The following AGBL1 variants were observed in gnomAD, a reference collection of about 807,000 sequenced individuals.
AGBL1 encodes the protein cytosolic carboxypeptidase 4.
Under a neutral mutation model 118.9 loss-of-function variants are expected in AGBL1, and 130 were observed. The observed-to-expected ratio is 1.09, with a 90% CI of 0.95 to 1.26. AGBL1 has a LOEUF of 1.26. Ranked by LOEUF, AGBL1 falls within the 50% of genes most tolerant of loss-of-function variation. AGBL1 has a pLI of 0.00. For missense variants in AGBL1, 1,584 were observed against 1,298.1 expected (o/e 1.22, Z -3.38); for synonymous variants, 555 against 478.9 (o/e 1.16, Z -2.08).
intron 22 of AGBL1, among the ~76,000 whole-genome samples, chr15:86,809,972 G>T (rs1268361316): frequency 1.3e-5 from 2 of 151,946 alleles, no homozygotes; most frequent in African/African-American, 4.8e-5. Context: ...CAAAATATTT[G>T]GAATGGAAAC....
At chr15:87,000,816 G>T (rs1257561238) in intron 24 of AGBL1, among the ~76,000 whole-genome samples, 1 of 145,744 alleles carries the variant, frequency 6.9e-6, no homozygotes, top group Non-Finnish European at 1.5e-5. Context: ...AATTACCTTG[G>T]GCAGTATGGC....
At chr15:86,489,520 G>A (rs889347010) in intron 18 of AGBL1, among the ~76,000 whole-genome samples, 1 of 152,126 alleles carries the variant, frequency 6.6e-6, no homozygotes, top group Non-Finnish European at 1.5e-5. Flanking sequence ...ACCAGAAGGA[G>A]CAATGGCATA....
In AGBL1 at chr15:86,661,434, T is replaced by A. The variant is rs547435162; in HGVS notation, c.2995-12839T>A. 2.0e-5 allele frequency among the ~76,000 whole-genome samples: 3 copies of A among 151,986 alleles called. No individual in the cohort carries two copies. The South Asian group carries it at 6.2e-4, about 32-fold the overall frequency. ...ATAGTAAAAGCTAATTCAATGGCCA[T>A]TAAATGAATGAATGAACAATGGGCT... On this transcript the variant is annotated intron_variant, in intron 21 of 22. Coordinates refer to ENST00000614907, the MANE Select transcript of AGBL1 (RefSeq NM_001386094.1).
intron 17 of AGBL1, among the ~76,000 whole-genome samples, chr15:86,393,267 A>G (rs1173588245): frequency 6.6e-6 from 1 of 152,216 alleles, no homozygotes; most frequent in Non-Finnish European, 1.5e-5. Context: ...TAGAGCTTGC[A>G]TTTGGCTTAT....
rs1205656309 is a variant in AGBL1 at position 86,220,036 on chromosome 15, C to G, written c.489-4878C>G. On this transcript the variant is annotated intron_variant, in intron 5 of 22. Transcript: ENST00000614907. ...GCACAATCTTGGTTCACTGCAACCT[C>G]TACTGCCTGGGTTCAAGCAATTCTC... Among the ~76,000 whole-genome samples, 8 of 145,064 alleles carry G rather than the reference C, an allele frequency of 5.5e-5. No individual in the cohort carries two copies. The East Asian group carries it at 1.8e-3, about 32-fold the overall frequency.
At chr15:86,213,112 A>G (rs544332628) in intron 5 of AGBL1, among the ~76,000 whole-genome samples, 1 of 152,314 alleles carries the variant, frequency 6.6e-6, no homozygotes, top group Non-Finnish European at 1.5e-5. Context: ...AACTGCCCTT[A>G]CTGTCTGGAA....
intron 17 of AGBL1, among the ~76,000 whole-genome samples, chr15:86,375,892 G>A (rs1160256120): frequency 6.6e-6 from 1 of 152,218 alleles, no homozygotes; most frequent in Non-Finnish European, 1.5e-5. Flanking sequence ...CCAATGGCTA[G>A]GCAGGGCTCA....
chr15:86,222,479 T>A (rs900639961), intron 5 of AGBL1, among the ~76,000 whole-genome samples: 1 of 152,160 alleles, frequency 6.6e-6, no homozygotes, highest in Admixed American at 6.5e-5. Flanking sequence ...CGTTAATTTT[T>A]TGCTCACAAC....
chr15:86,699,938 AATT>A (rs1235968023), intron 22 of AGBL1, among the ~76,000 whole-genome samples: 1 of 152,082 alleles, frequency 6.6e-6, no homozygotes, highest in East Asian at 1.9e-4. Flanking sequence ...CGTCTGAAAC[AATT>A]ATTATTATGG....
intron 5 of AGBL1, among the ~76,000 whole-genome samples, chr15:86,211,519 T>C (rs1355696879): frequency 6.6e-6 from 1 of 152,204 alleles, no homozygotes; most frequent in African/African-American, 2.4e-5. Context: ...CCAGCCACTT[T>C]GTTTACCCAC....
At chr15:86,945,111 T>G (rs1432112519) in intron 23 of AGBL1, among the ~76,000 whole-genome samples, 2 of 151,868 alleles carry the variant, frequency 1.3e-5, no homozygotes, top group Non-Finnish European at 2.9e-5. Flanking sequence ...CTGGGTGTGC[T>G]GGTGCACACT....
At chr15:86,872,295 C>T (rs532115054) in intron 22 of AGBL1, among the ~76,000 whole-genome samples, 3 of 152,160 alleles carry the variant, frequency 2.0e-5, no homozygotes, top group African/African-American at 4.8e-5. Context: ...TTCATTGTTT[C>T]AGGTGGAGAA....
chr15:86,580,638 C>G (rs947015699), intron 21 of AGBL1, among the ~76,000 whole-genome samples: 2 of 152,052 alleles, frequency 1.3e-5, no homozygotes, highest in Admixed American at 1.3e-4. Context: ...TACATGTATA[C>G]AATGTATAAT....
rs114700683 is a variant in AGBL1, at chr15:86,742,177, C to G, written c.3158+67741C>G. ...ATTGGGCATACATAAAGAAACGTGA[C>G]CCAGACTGCAAAGGACCAATTGTGT... On this transcript the variant is annotated intron_variant, in intron 22 of 22. Coordinates refer to ENST00000614907, the MANE Select transcript of AGBL1 (RefSeq NM_001386094.1). 5.1e-3 allele frequency among the ~76,000 whole-genome samples: 772 copies of G among 152,126 alleles called. 8 individuals are homozygous for G. The highest frequency in any genetic ancestry group is 0.018 in the African/African-American group (728 of 41,492).
chr15:86,616,262 G>A (rs138421153), intron 21 of AGBL1, among the ~76,000 whole-genome samples: 2,915 of 151,340 alleles, frequency 0.019, 72 homozygotes, highest in African/African-American at 0.059. Flanking sequence ...GCTTGAACCC[G>A]GGAGGCAGAG....
intron 11 of AGBL1, among the ~76,000 whole-genome samples, chr15:86,265,066 C>A (rs1321424838): frequency 1.3e-5 from 2 of 152,152 alleles, no homozygotes; most frequent in Admixed American, 1.3e-4. Context: ...ATGAAAAATT[C>A]CTTGAGTAAT....
intron 17 of AGBL1, among the ~76,000 whole-genome samples, chr15:86,355,341 C>T (rs1458688850): frequency 6.6e-6 from 1 of 152,126 alleles, no homozygotes; most frequent in Non-Finnish European, 1.5e-5. Context: ...ATAAATGGTT[C>T]ATCGGTCAGG....
intron 22 of AGBL1, among the ~76,000 whole-genome samples, chr15:86,713,708 C>G (rs112882756): frequency 6.6e-6 from 1 of 152,082 alleles, no homozygotes; most frequent in African/African-American, 2.4e-5. Flanking sequence ...CACTGCTCCT[C>G]CAGGGTACAT....
chr15:86,448,048 G>T (rs2142064696), intron 18 of AGBL1, among the ~76,000 whole-genome samples: 1 of 152,276 alleles, frequency 6.6e-6, no homozygotes, highest in South Asian at 2.1e-4. Context: ...CGGAGGGTGT[G>T]GTGGGAGGGT....
Sources: gnomAD v4.1 joint callset for allele counts (sites outside exome capture counted in the v4.1 genomes callset) on GRCh38, gnomAD v4.1.1 for gene constraint, MANE v1.5 for transcripts, NCBI Gene and HGNC (gene_info 2026-07-23, HGNC 2026-07-21) for gene names.